Variants in MAN2A1 observed in about 807,000 individuals in gnomAD.
MAN2A1 encodes the protein alpha-mannosidase 2.
Under a neutral mutation model 142.6 loss-of-function variants are expected in MAN2A1, and 76 were observed. That is an observed-to-expected ratio of 0.53 (90% CI 0.44 to 0.65). MAN2A1 has a LOEUF of 0.65. Ranked by LOEUF, MAN2A1 falls within the 30% of genes least tolerant of loss-of-function variation. MAN2A1 has a pLI of 0.00. For missense variants in MAN2A1, 1,311 were observed against 1,365.1 expected (o/e 0.96, Z 0.62); for synonymous variants, 559 against 473.2 (o/e 1.18, Z -2.35).
At chr5:109,757,075 G>T (rs956745768) in intron 5 of MAN2A1, among the ~76,000 whole-genome samples, 5 of 152,078 alleles carry the variant, frequency 3.3e-5, no homozygotes, top group Non-Finnish European at 7.4e-5. Flanking sequence ...GTTTCCTCTG[G>T]ACTTACTCTG....
At chr5:109,789,627 A>C (rs1425759118) in intron 12 of MAN2A1, 100 bp downstream of exon 12, 1 of 745,056 alleles carries the variant, frequency 1.3e-6, no homozygotes, top group Admixed American at 3.3e-5. Flanking sequence ...TGAGGCAATC[A>C]ATTTATTAAT....
At position 109,784,851 on chromosome 5, in the gene MAN2A1, A is replaced by G. The variant is rs1445043404; in HGVS notation, c.1685A>G (p.Asn562Ser). 2 of 1,613,030 alleles carry G rather than the reference A, an allele frequency of 1.2e-6. No homozygotes were observed. Among genetic ancestry groups the G allele is most frequent in the Non-Finnish European group, 1.7e-6 (2 of 1,179,442 alleles). The change falls in exon 10 of 22, where the codon AAT becomes AGT. Residue 562 changes from asparagine to serine, a missense_variant. Coordinates refer to ENST00000261483, the MANE Select transcript of MAN2A1 (RefSeq NM_002372.4). ...LYTALTEARR[N>S]LGLFQHHDAI... is the part of the protein sequence containing the mutation. ...ACGGCACTGACAGAAGCCAGAAGGA[A>G]TTTGGGACTGTTTCAACATCATGAT...
intron 21 of MAN2A1, 68 bp downstream of exon 21, chr5:109,865,214 T>C (rs1224157568): frequency 3.6e-6 from 4 of 1,113,622 alleles, no homozygotes; most frequent in Non-Finnish European, 5.5e-6. Flanking sequence ...CAAAGGATCT[T>C]GACAATAAGA....
chr5:109,864,372 G>C (rs1391039373), intron 20 of MAN2A1: 1 of 152,164 alleles, frequency 6.6e-6, no homozygotes, highest in Non-Finnish European at 1.5e-5. Context: ...AAGGTATACT[G>C]ACCCTCTTAG....
chr5:109,792,313 CT>C (rs1029194181), intron 12 of MAN2A1, among the ~76,000 whole-genome samples: 1 of 151,862 alleles, frequency 6.6e-6, no homozygotes, highest in African/African-American at 2.4e-5. Flanking sequence ...CTTGGAGAGT[CT>C]TTTTTTTCTC....
chr5:109,724,856 A>G (rs915923158), intron 3 of MAN2A1, among the ~76,000 whole-genome samples: 1 of 152,314 alleles, frequency 6.6e-6, no homozygotes, highest in South Asian at 2.1e-4. Flanking sequence ...GACAATGATT[A>G]TTAGGTATAG....
At chr5:109,789,288 G>C (rs186417760) in intron 11 of MAN2A1, among the ~76,000 whole-genome samples, 172 bp from the exon 12 acceptor site, 31 of 151,774 alleles carry the variant, frequency 2.0e-4, no homozygotes, top group Admixed American at 1.7e-3. Flanking sequence ...AAGGCAACTG[G>C]GGCATTATAA....
At chr5:109,830,156 G>T (rs186742218) in intron 16 of MAN2A1, among the ~76,000 whole-genome samples, 2 of 152,172 alleles carry the variant, frequency 1.3e-5, no homozygotes, top group East Asian at 3.9e-4. Context: ...AGTTTATTTT[G>T]ATGAAATCCA....
rs995206870 is a variant in MAN2A1, at chr5:109,831,240, A to G, written c.2566+7403A>G. On this transcript the variant is annotated intron_variant, in intron 16 of 21. Coordinates refer to ENST00000261483, the MANE Select transcript of MAN2A1 (RefSeq NM_002372.4). ...TATTCACCGAGTAAATATACAAGGAACCTTACCCATAGTGAGTGTTGTATC... is the reference window on the plus strand; with the variant it reads ...TATTCACCGAGTAAATATACAAGGAGCCTTACCCATAGTGAGTGTTGTATC... 2.0e-5 allele frequency among the ~76,000 whole-genome samples: 3 copies of G among 152,344 alleles called. No individual in the cohort carries two copies. In the South Asian group the frequency reaches 6.2e-4, roughly 32 times the overall value.
intron 8 of MAN2A1, among the ~76,000 whole-genome samples, chr5:109,777,997 A>C (rs1753342054): frequency 6.6e-6 from 1 of 151,906 alleles, no homozygotes; most frequent in South Asian, 2.1e-4. Context: ...AAAGTCTTCC[A>C]GTTTGTTCTC....
chr5:109,846,963 G>A (rs1470123567), intron 18 of MAN2A1, among the ~76,000 whole-genome samples: 3 of 151,826 alleles, frequency 2.0e-5, no homozygotes, highest in Non-Finnish European at 4.4e-5. Flanking sequence ...CAGTGGGGCA[G>A]CATTGTTGCT....
chr5:109,694,792 T>C (rs1047350931), intron 1 of MAN2A1, among the ~76,000 whole-genome samples: 3 of 152,202 alleles, frequency 2.0e-5, no homozygotes, highest in Non-Finnish European at 4.4e-5. Context: ...TAACTAGGAC[T>C]TTGATTCCCC....
intron 1 of MAN2A1, among the ~76,000 whole-genome samples, chr5:109,710,158 G>A (rs577371485): frequency 1.1e-4 from 17 of 152,270 alleles, no homozygotes; most frequent in African/African-American, 3.9e-4. Flanking sequence ...ACTTAATTCA[G>A]TACAGAATTC....
chr5:109,856,242 A>G (rs947985296), intron 20 of MAN2A1, among the ~76,000 whole-genome samples: 44 of 152,212 alleles, frequency 2.9e-4, no homozygotes, highest in Non-Finnish European at 5.0e-4. Context: ...TAAACAGGGG[A>G]AAAATAGCAA....
chr5:109,714,603 G>C (rs542750783), intron 2 of MAN2A1, among the ~76,000 whole-genome samples: 1 of 152,304 alleles, frequency 6.6e-6, no homozygotes, highest in East Asian at 1.9e-4. Flanking sequence ...CTGCAAATTA[G>C]GGCAAGGCTG....
Position 109,789,883 on chromosome 5 carries a change from C to G in MAN2A1, c.1943+356C>G, listed in dbSNP as rs919383001. Reference sequence around the variant, plus strand: ...ACCTTGTTTTCATTAATCCCTGATCCTATTTTTATATGAAAGAAGAAACTT... The same window carrying G: ...ACCTTGTTTTCATTAATCCCTGATCGTATTTTTATATGAAAGAAGAAACTT... On this transcript the variant is annotated intron_variant, in intron 12 of 21. Transcript: ENST00000261483. Among the ~76,000 whole-genome samples the G allele has an allele frequency of 2.0e-5, 3 of 151,824 alleles. No individual in the cohort carries two copies. The East Asian group carries it at 5.8e-4, about 29-fold the overall frequency.
At chr5:109,705,107 C>T (rs1751093352) in intron 1 of MAN2A1, among the ~76,000 whole-genome samples, 1 of 152,202 alleles carries the variant, frequency 6.6e-6, no homozygotes, top group African/African-American at 2.4e-5. Flanking sequence ...TCCCCCTTGC[C>T]CTAGCAAAAA....
intron 6 of MAN2A1, among the ~76,000 whole-genome samples, chr5:109,768,381 A>G (rs912218817): frequency 3.9e-5 from 6 of 152,076 alleles, no homozygotes; most frequent in African/African-American, 1.4e-4. Context: ...ATTCATTCTC[A>G]TTTAATCTTT....
At chr5:109,833,821 A>G (rs1308369548) in intron 16 of MAN2A1, among the ~76,000 whole-genome samples, 1 of 152,172 alleles carries the variant, frequency 6.6e-6, no homozygotes, top group Non-Finnish European at 1.5e-5. Flanking sequence ...ATTTTAATCA[A>G]TTATTTTTAA....
Sources: gnomAD v4.1 joint callset for allele counts (sites outside exome capture counted in the v4.1 genomes callset) on GRCh38, gnomAD v4.1.1 for gene constraint, MANE v1.5 for transcripts, NCBI Gene and HGNC (gene_info 2026-07-23, HGNC 2026-07-21) for gene names.